The following NCAM1 variants were observed in gnomAD, a reference collection of about 807,000 sequenced individuals.
The protein encoded by NCAM1 is neural cell adhesion molecule 1, also known as antigen recognized by monoclonal antibody 5.1H11.
In NCAM1, 14 loss-of-function variants were observed where a neutral mutation model predicts 109.8. The observed-to-expected ratio is 0.13, with a 90% confidence interval of 0.08 to 0.20. The LOEUF is 0.20. Among genes scored for constraint, NCAM1 ranks in the 10% least tolerant of loss-of-function variants. The pLI is 1.00. For missense variants in NCAM1, 774 were observed against 1,109.9 expected, an observed-to-expected ratio of 0.70 and a Z score of 4.30; for synonymous variants, 418 against 442.9, an observed-to-expected ratio of 0.94 and a Z score of 0.70.
chr11:113,199,579 T>C (rs1211947037), intron 1 of NCAM1, among the ~76,000 whole-genome samples: 1 of 146,700 alleles, frequency 6.8e-6, no homozygotes, highest in East Asian at 2.0e-4. Flanking sequence ...GGATAACTCT[T>C]CCTTTAAAAA....
At chr11:113,202,045 A>G (rs1462371729) in intron 1 of NCAM1, among the ~76,000 whole-genome samples, 1 of 152,240 alleles carries the variant, frequency 6.6e-6, no homozygotes, top group South Asian at 2.1e-4. Flanking sequence ...GAGCAGGATC[A>G]TAAGTCTTCT....
At chr11:113,220,068 A>T (rs1022575533) in intron 8 of NCAM1, among the ~76,000 whole-genome samples, 2 of 152,192 alleles carry the variant, frequency 1.3e-5, no homozygotes, top group African/African-American at 4.8e-5. Context: ...TTTCCATCTG[A>T]ACATCAGAGA....
rs1465876829 is a variant in NCAM1 at position 113,256,019 on chromosome 11, C to G, written c.1953+18C>G. 1 of 1,586,996 alleles carries G rather than the reference C, an allele frequency of 6.3e-7. No homozygotes were observed. The highest frequency in any genetic ancestry group is 8.6e-7 in the Non-Finnish European group (1 of 1,166,542). On this transcript the variant is annotated intron_variant, in intron 16 of 19. Coordinates refer to ENST00000316851, the MANE Select transcript of NCAM1 (RefSeq NM_181351.5). Reference sequence around the variant, plus strand: ...ACCGAGCGGTGAGTGGCCTCCTTCTCAGACTTCACCAGAACCCTGCAACCC... The same window carrying G: ...ACCGAGCGGTGAGTGGCCTCCTTCTGAGACTTCACCAGAACCCTGCAACCC...
intron 1 of NCAM1, among the ~76,000 whole-genome samples, chr11:113,165,736 T>G (rs1942770942): frequency 6.6e-6 from 1 of 152,038 alleles, no homozygotes; most frequent in Admixed American, 6.6e-5. Flanking sequence ...TCAGCCCCAG[T>G]GTAGAGAAGA....
intron 14 of NCAM1, among the ~76,000 whole-genome samples, chr11:113,244,730 A>C (rs1555119829): frequency 6.6e-6 from 1 of 152,078 alleles, no homozygotes; most frequent in Non-Finnish European, 1.5e-5. Flanking sequence ...TTCTAAATAA[A>C]ACCAAAGGAG....
intron 17 of NCAM1, chr11:113,263,855 C>T: frequency 1.0e-6 from 1 of 985,552 alleles, no homozygotes; most frequent in African/African-American, 1.7e-5. Flanking sequence ...AGGAGAGGGA[C>T]AGGCCACTCC....
chr11:113,214,333 A>G lies in NCAM1; in HGVS notation c.917-36A>G, dbSNP rs1555114051. On this transcript the variant is annotated intron_variant, in intron 7 of 19. Transcript: ENST00000316851. ...TCATTTAAACCCAGAAAGCTCAATA[A>G]TTAGATAAACTCAGAGAAATGTTTT... is the stretch of plus-strand genomic sequence containing the variant. The G allele has an allele frequency of 1.9e-6, 3 of 1,608,356 alleles. No individual in the cohort carries two copies. The African/African-American group carries it at 4.0e-5, about 22-fold the overall frequency.
At chr11:113,030,286 G>T (rs139165035) in intron 1 of NCAM1, among the ~76,000 whole-genome samples, 1 of 152,098 alleles carries the variant, frequency 6.6e-6, no homozygotes, top group Non-Finnish European at 1.5e-5. Context: ...CATCCTCCTG[G>T]CTAGGTATTT....
intron 1 of NCAM1, among the ~76,000 whole-genome samples, chr11:113,012,727 G>A (rs1345095603): frequency 2.0e-5 from 3 of 152,144 alleles, no homozygotes; most frequent in Admixed American, 6.5e-5. Flanking sequence ...GCCTTATAAG[G>A]ACGCCAGTCA....
intron 1 of NCAM1, among the ~76,000 whole-genome samples, chr11:113,185,079 T>TATATATATATATATATATATAGAGAGAG: frequency 8.7e-5 from 11 of 125,742 alleles, no homozygotes; most frequent in African/African-American, 1.9e-4. Flanking sequence ...TATATATATA[T>TATATATATATATATATATATAGAGAGAG]AGAGAGAGAG....
At chr11:113,201,761 T>A (rs1283066424) in intron 1 of NCAM1, among the ~76,000 whole-genome samples, 1 of 152,206 alleles carries the variant, frequency 6.6e-6, no homozygotes, top group African/African-American at 2.4e-5. Context: ...GGTGGTGATA[T>A]GTGATGTTGG....
At chr11:113,153,623 A>C (rs79056851) in intron 1 of NCAM1, among the ~76,000 whole-genome samples, 1 of 152,304 alleles carries the variant, frequency 6.6e-6, no homozygotes, top group East Asian at 1.9e-4. Context: ...GTTAGAGATA[A>C]ACTTTCAGGT....
chr11:113,006,439 A>G (rs993336521), intron 1 of NCAM1, among the ~76,000 whole-genome samples: 1 of 152,176 alleles, frequency 6.6e-6, no homozygotes, highest in Non-Finnish European at 1.5e-5. Context: ...CATGGTTCAG[A>G]AACCTCTATT....
intron 1 of NCAM1, among the ~76,000 whole-genome samples, chr11:113,083,049 GT>G (rs11373764): frequency 1.4e-4 from 21 of 148,738 alleles, no homozygotes; most frequent in East Asian, 9.9e-4. Flanking sequence ...AGTGAATGTT[GT>G]TTTTTTTTTT....
chr11:113,003,540 G>C (rs1208462409), intron 1 of NCAM1, among the ~76,000 whole-genome samples: 2 of 152,108 alleles, frequency 1.3e-5, no homozygotes, highest in African/African-American at 4.8e-5. Flanking sequence ...GTGAAGAGTG[G>C]ATTTTTTTCA....
chr11:113,247,853 G>T (rs1459823576), intron 15 of NCAM1, among the ~76,000 whole-genome samples: 2 of 152,138 alleles, frequency 1.3e-5, no homozygotes. Context: ...GTATTTTCAT[G>T]ATTTCCCAAA....
intron 1 of NCAM1, among the ~76,000 whole-genome samples, chr11:113,080,297 A>G (rs1235077593): frequency 6.6e-6 from 1 of 152,190 alleles, no homozygotes. Context: ...GTAAGCATAT[A>G]TCTTTCCCCA....
At chr11:113,022,105 G>A (rs1408460164) in intron 1 of NCAM1, among the ~76,000 whole-genome samples, 2 of 152,186 alleles carry the variant, frequency 1.3e-5, no homozygotes, top group Non-Finnish European at 2.9e-5. Context: ...TTTAAAAGAT[G>A]CTTTGGGACT....
At position 113,185,068 on chromosome 11, in the gene NCAM1, T is replaced by TTATATATATATATATA. The variant is rs148340673; in HGVS notation, c.53-17299_53-17298insTATATATATATATATA. Among the ~76,000 whole-genome samples, 674 of 99,494 alleles carry TTATATATATATATATA rather than the reference T, an allele frequency of 6.8e-3. 14 individuals carry two copies. The highest frequency in any genetic ancestry group is 0.025 in the African/African-American group (596 of 23,914). The allele number at this position is 99,494 out of a possible 152,430, so 65.3% of individuals were successfully genotyped here. ...TATGTGTATGTGTGTGCATTTATAT[T>TTATATATATATATATA]TATATATATATAGAGAGAGAGAGAG... On this transcript the variant is annotated intron_variant, in intron 1 of 19. Coordinates refer to ENST00000316851, the MANE Select transcript of NCAM1 (RefSeq NM_181351.5).
Sources: allele counts gnomAD v4.1 joint callset (sites outside exome capture counted in the v4.1 genomes callset), GRCh38; gene constraint gnomAD v4.1.1; transcripts MANE v1.5; gene names NCBI Gene and HGNC (gene_info 2026-07-23, HGNC 2026-07-21).